The following MARCHF1 variants were observed in gnomAD, a reference collection of about 807,000 sequenced individuals.
MARCHF1 encodes E3 ubiquitin-protein ligase MARCHF1.
In MARCHF1, 40 loss-of-function variants were observed where a neutral mutation model predicts 54.2. That is an observed-to-expected ratio of 0.74 (90% CI 0.57 to 0.96). The LOEUF is 0.96. Ranked by LOEUF, MARCHF1 falls within the 40% of genes least tolerant of loss-of-function variation. The pLI, the probability that MARCHF1 is intolerant of heterozygous loss-of-function variation, is 0.00. For missense variants in MARCHF1, 586 were observed against 656.5 expected (o/e 0.89, Z 1.17); for synonymous variants, 236 against 236.3 (o/e 1.00, Z 0.01).
rs1421118663 is a variant in MARCHF1, at chr4:163,912,070, T to TGG, written c.-38-57902_-38-57901insCC. On this transcript the variant is annotated intron_variant, in intron 3 of 9. Transcript: ENST00000514618. ...TAAGTCATCAGGAATGCAGGGTTTT[T>TGG]TTTTTTTTTTCCATGTTTTAGTTCT... Among the ~76,000 whole-genome samples the TGG allele has an allele frequency of 4.7e-3, 704 of 151,338 alleles. 5 individuals carry two copies. Among genetic ancestry groups the TGG allele is most frequent in the Non-Finnish European group, 8.4e-3 (565 of 67,658 alleles).
intron 5 of MARCHF1, among the ~76,000 whole-genome samples, chr4:163,698,953 A>T (rs1380324676): frequency 6.6e-6 from 1 of 152,184 alleles, no homozygotes; most frequent in Admixed American, 6.5e-5. Context: ...TAACCACTTC[A>T]GAAAACCTCC....
chr4:164,216,124 GAAAC>G (rs925148334), intron 1 of MARCHF1, among the ~76,000 whole-genome samples: 1 of 152,118 alleles, frequency 6.6e-6, no homozygotes, highest in Non-Finnish European at 1.5e-5. Flanking sequence ...AAGTCTCTGT[GAAAC>G]AAACAAACAA....
At chr4:163,894,283 T>C (rs2111280607) in intron 3 of MARCHF1, among the ~76,000 whole-genome samples, 1 of 152,218 alleles carries the variant, frequency 6.6e-6, no homozygotes, top group Admixed American at 6.5e-5. Context: ...CATTTTGCAC[T>C]TTATATTGCA....
chr4:163,938,562 C>T (rs547611799), intron 3 of MARCHF1, among the ~76,000 whole-genome samples: 1 of 152,288 alleles, frequency 6.6e-6, no homozygotes, highest in African/African-American at 2.4e-5. Context: ...GCACACTGAA[C>T]AACTATCTGG....
At chr4:164,318,873 T>C (rs1423395138) in intron 1 of MARCHF1, among the ~76,000 whole-genome samples, 2 of 152,242 alleles carry the variant, frequency 1.3e-5, no homozygotes, top group East Asian at 1.9e-4. Context: ...ATATCATTTG[T>C]AATATGTTTA....
intron 2 of MARCHF1, among the ~76,000 whole-genome samples, chr4:164,027,362 TAAAAAAA>T (rs59453843): frequency 2.8e-3 from 30 of 10,784 alleles, no homozygotes; most frequent in Middle Eastern, 0.12. Flanking sequence ...ATGGTACAGG[TAAAAAAA>T]AAAAAAAAAA....
At chr4:163,722,250 A>G (rs77849633) in intron 4 of MARCHF1, among the ~76,000 whole-genome samples, 55,980 of 151,722 alleles carry the variant, frequency 0.37, 11,154 homozygotes, top group Admixed American at 0.44. Flanking sequence ...CATTGGTTTC[A>G]AAGAACATCT....
chr4:163,925,958 TC>T (rs1428477944), intron 3 of MARCHF1, among the ~76,000 whole-genome samples: 3 of 151,698 alleles, frequency 2.0e-5, no homozygotes, highest in African/African-American at 7.2e-5. Flanking sequence ...TGCAAAACAT[TC>T]TGAGGTTTTT....
chr4:163,770,773 T>C (rs1026424033), intron 4 of MARCHF1, among the ~76,000 whole-genome samples: 10 of 152,196 alleles, frequency 6.6e-5, no homozygotes, highest in Non-Finnish European at 1.3e-4. Context: ...AAAAAGTTCT[T>C]CAACGCTCAT....
At chr4:163,679,670 T>C (rs1360762710) in intron 5 of MARCHF1, among the ~76,000 whole-genome samples, 12 of 151,676 alleles carry the variant, frequency 7.9e-5, no homozygotes, top group African/African-American at 1.2e-4. Flanking sequence ...TGGAGTGCAG[T>C]GGCACAGTCT....
chr4:164,046,082 C>T (rs574755013), intron 2 of MARCHF1, among the ~76,000 whole-genome samples: 8 of 152,132 alleles, frequency 5.3e-5, no homozygotes, highest in South Asian at 2.1e-4. Flanking sequence ...AAATTAAAGC[C>T]CCAGTTTTCA....
intron 1 of MARCHF1, among the ~76,000 whole-genome samples, chr4:164,136,587 CAA>C (rs1212725300): frequency 2.6e-5 from 4 of 152,188 alleles, no homozygotes; most frequent in African/African-American, 9.7e-5. Flanking sequence ...TGGAACTTAA[CAA>C]AGAGCTGTGT....
At chr4:163,935,143 A>C (rs1293958059) in intron 3 of MARCHF1, among the ~76,000 whole-genome samples, 1 of 152,090 alleles carries the variant, frequency 6.6e-6, no homozygotes, top group Non-Finnish European at 1.5e-5. Flanking sequence ...GCTTAATATA[A>C]AGTGTACAAG....
chr4:164,345,812 T>G (rs1730077163), intron 1 of MARCHF1, among the ~76,000 whole-genome samples: 1 of 151,964 alleles, frequency 6.6e-6, no homozygotes, highest in Admixed American at 6.6e-5. Flanking sequence ...TTGTTTATTT[T>G]TTTCTAATTT....
intron 2 of MARCHF1, among the ~76,000 whole-genome samples, chr4:164,006,826 T>C (rs1753298333): frequency 6.6e-6 from 1 of 151,212 alleles, no homozygotes; most frequent in East Asian, 1.9e-4. Context: ...ATTTACGTAG[T>C]AGACAAAGAA....
chr4:163,701,487 G>A (rs1228446339), intron 4 of MARCHF1, among the ~76,000 whole-genome samples: 1 of 151,994 alleles, frequency 6.6e-6, no homozygotes, highest in African/African-American at 2.4e-5. Context: ...AAAGAGGCAT[G>A]AAAAAAGCTT....
At chr4:163,908,525 T>C (rs1751120169) in intron 3 of MARCHF1, among the ~76,000 whole-genome samples, 1 of 152,192 alleles carries the variant, frequency 6.6e-6, no homozygotes, top group African/African-American at 2.4e-5. Context: ...AAATGAGTTG[T>C]GGTCTATGTA....
At chr4:163,923,485 T>C (rs369283824) in intron 3 of MARCHF1, among the ~76,000 whole-genome samples, 1 of 152,082 alleles carries the variant, frequency 6.6e-6, no homozygotes, top group Non-Finnish European at 1.5e-5. Context: ...TAAGATTTCT[T>C]ATGAAAAATT....
chr4:164,197,162 C>T lies in MARCHF1; in HGVS notation c.-322-85500G>A. 4 of 1,608,036 alleles carry T rather than the reference C, an allele frequency of 2.5e-6. No homozygotes were observed. In the South Asian group the frequency reaches 3.3e-5, roughly 13 times the overall value. On this transcript the variant is annotated intron_variant, in intron 1 of 9. Transcript: ENST00000514618. Reference sequence around the variant, plus strand: ...TCCTCCTCCTCCTCGCCCTCCTCATCTTCCACTACCTGAGCATCTTCATCA... The same window carrying T: ...TCCTCCTCCTCCTCGCCCTCCTCATTTTCCACTACCTGAGCATCTTCATCA...
Sources: allele counts gnomAD v4.1 joint callset (sites outside exome capture counted in the v4.1 genomes callset), GRCh38; gene constraint gnomAD v4.1.1; transcripts MANE v1.5; gene names NCBI Gene and HGNC (gene_info 2026-07-23, HGNC 2026-07-21).